The following FARP2 variants were observed in gnomAD, a reference collection of about 807,000 sequenced individuals.
The protein encoded by FARP2 is FERM, ARHGEF and pleckstrin domain-containing protein 2.
Under a neutral mutation model 130.5 loss-of-function variants are expected in FARP2, and 111 were observed. The observed-to-expected ratio is 0.85, with a 90% confidence interval of 0.73 to 1.00. The LOEUF (loss-of-function observed/expected upper bound fraction) is 1.00, where lower values mean the gene tolerates loss of function less well. Among genes scored for constraint, FARP2 ranks in the 50% least tolerant of loss-of-function variants. The pLI, the probability that FARP2 is intolerant of heterozygous loss-of-function variation, is 0.00. For synonymous variants in FARP2, 504 were observed against 516.9 expected (o/e 0.98, Z 0.34); for missense variants, 1,385 against 1,346.3 (o/e 1.03, Z -0.45).
chr2:241,403,840 G>GGCCA lies in FARP2; in HGVS notation c.198_201dup (p.Val68ProfsTer17). On this transcript the variant is annotated frameshift_variant, in exon 3 of 27. Coordinates refer to ENST00000264042, the MANE Select transcript of FARP2 (RefSeq NM_014808.4). LOFTEE classifies it high-confidence loss of function. Reference sequence around the variant, plus strand: ...TCTCTCTGCACAGCCTAAATGCGATGGCCAGGTATTACTGACACAAGTGTG... The same window carrying GGCCA: ...TCTCTCTGCACAGCCTAAATGCGATGGCCAGCCAGGTATTACTGACACAAGTGTG... The GGCCA allele has an allele frequency of 6.2e-7, 1 of 1,611,516 alleles. No individual in the cohort carries two copies.
chr2:241,441,371 TCTCTCCCTCCA>T lies in FARP2; in HGVS notation c.1231_1241del (p.Pro411GlyfsTer9). 1.2e-6 allele frequency: 2 copies of T among 1,614,164 alleles called. No individual in the cohort carries two copies. The highest frequency in any genetic ancestry group is 1.7e-6 in the Non-Finnish European group (2 of 1,179,994). ...TCTTCAGCGAATGCCTTTTACTCGC[TCTCTCCCTCCA>T]CTCTGGTCCCCTCTGGCCTGCCAGA... On this transcript the variant is annotated frameshift_variant, in exon 13 of 27. Transcript: ENST00000264042. LOFTEE classifies it high-confidence loss of function.
rs958212410 is a variant in FARP2, at chr2:241,412,797, G to A, written c.509-510G>A. ...TTCCCAGCACATTTGGGAGGCCAAG[G>A]CAGGAGGATTGCTTAAGTCCAGGAG... is the stretch of plus-strand genomic sequence containing the variant. On this transcript the variant is annotated intron_variant, in intron 6 of 26. Coordinates refer to ENST00000264042, the MANE Select transcript of FARP2 (RefSeq NM_014808.4). Among the ~76,000 whole-genome samples the A allele has an allele frequency of 3.1e-4, 47 of 152,190 alleles. 1 individual carries two copies. Among genetic ancestry groups the A allele is most frequent in the Non-Finnish European group, 5.9e-5 (4 of 68,044 alleles).
intron 18 of FARP2, among the ~76,000 whole-genome samples, chr2:241,469,968 T>G (rs1559801437): frequency 6.6e-6 from 1 of 152,230 alleles, no homozygotes; most frequent in East Asian, 1.9e-4. Flanking sequence ...CTAGGTTTGC[T>G]TCAGACCTCA....
chr2:241,490,620 A>G (rs2064866978), intron 22 of FARP2, among the ~76,000 whole-genome samples: 1 of 152,166 alleles, frequency 6.6e-6, no homozygotes. Context: ...CATGGTCACC[A>G]GCACCACACT....
At chr2:241,434,122 T>C in intron 9 of FARP2, 36 bp from the exon 10 acceptor site, 2 of 1,507,608 alleles carry the variant, frequency 1.3e-6, no homozygotes, top group Non-Finnish European at 1.8e-6. Flanking sequence ...CAATACTTCA[T>C]TCTTGAATTA....
At chr2:241,456,500 C>T (rs931165143) in intron 13 of FARP2, 3 of 451,732 alleles carry the variant, frequency 6.6e-6, no homozygotes, top group Admixed American at 4.1e-5. Context: ...CCCTAGAGTC[C>T]GGGGAGGATC....
chr2:241,431,114 T>G (rs2063079408), intron 8 of FARP2, among the ~76,000 whole-genome samples: 1 of 152,202 alleles, frequency 6.6e-6, no homozygotes, highest in South Asian at 2.1e-4. Context: ...CCTGGTGAAT[T>G]GCTTTTAGAT....
chr2:241,395,069 G>C (rs575037590), intron 2 of FARP2, among the ~76,000 whole-genome samples: 3 of 152,288 alleles, frequency 2.0e-5, no homozygotes, highest in South Asian at 2.1e-4. Flanking sequence ...AACCCATTCA[G>C]GGTAAGAGTT....
chr2:241,482,409 A>G lies in FARP2; in HGVS notation c.2263-1056A>G. Among the ~76,000 whole-genome samples, 1 of 151,990 alleles carries G rather than the reference A, an allele frequency of 6.6e-6. No homozygotes were observed. Among genetic ancestry groups the G allele is most frequent in the Non-Finnish European group, 1.5e-5 (1 of 67,980 alleles). On this transcript the variant is annotated intron_variant, in intron 19 of 26. Transcript: ENST00000264042. The surrounding 1 kb of genome is among the most constrained non-coding windows in gnomAD (Gnocchi z 4.6). The stretch of plus-strand genomic sequence containing the variant: ...CTACCTGTGGCTGGAAGGAACGGCC[A>G]CTCCCAGGGCCAAGCAATTGCCAGC...
At chr2:241,483,656 G>A in intron 20 of FARP2, 123 bp downstream of exon 20, 1 of 1,252,346 alleles carries the variant, frequency 8.0e-7, no homozygotes, top group Admixed American at 2.0e-5. Context: ...TGGAGGCTTT[G>A]GTCCAGGTGG....
chr2:241,494,577 G>A lies in FARP2; in HGVS notation c.*452G>A, dbSNP rs2065052733. On this transcript the variant is annotated 3_prime_UTR_variant, in exon 27 of 27. Transcript: ENST00000264042. This position sits in a 1 kb window ranked among gnomAD's most constrained non-coding sequence, Gnocchi z 4.9. ...TGCCAGGACCCTCTCAGACAAGCGT[G>A]GCACAGCCATGCTGACCTTCCATCT... is the stretch of plus-strand genomic sequence containing the variant. 6.6e-6 allele frequency: 1 copy of A among 152,578 alleles called. No homozygotes were observed. Among genetic ancestry groups the A allele is most frequent in the Non-Finnish European group, 1.5e-5 (1 of 68,298 alleles). 9.5% of individuals were successfully genotyped at this position (152,578 alleles called of 1,614,324 possible).
chr2:241,477,169 C>T (rs1198428867), intron 19 of FARP2, among the ~76,000 whole-genome samples: 1 of 133,990 alleles, frequency 7.5e-6, no homozygotes, highest in Non-Finnish European at 1.5e-5. Flanking sequence ...CTTGCTCTGT[C>T]ACCAGGCTGG....
chr2:241,468,175 C>T lies in FARP2; in HGVS notation c.1929C>T (p.Val643=). The T allele has an allele frequency of 6.2e-7, 1 of 1,614,012 alleles. No homozygotes were observed. The highest frequency in any genetic ancestry group is 2.2e-5 in the East Asian group (1 of 44,886). The part of the protein sequence containing the change: ...FTSYFQRHDE[V]LTELEKATKR... ...GCTACTTCCAAAGACATGACGAGGT[C>T]CTAACAGAACTGGAAAAGGCTACCA... The change falls in exon 18 of 27, where the codon GTC becomes GTT. Residue 643 remains valine, a synonymous_variant. Transcript: ENST00000264042.
intron 21 of FARP2, among the ~76,000 whole-genome samples, chr2:241,487,644 G>GAGGCGGAGGTTGCAC (rs1396808728): frequency 3.9e-4 from 53 of 134,652 alleles, no homozygotes; most frequent in East Asian, 1.4e-3. Context: ...TCCAGCCTGG[G>GAGGCGGAGGTTGCAC]TGACAGAACA....
At chr2:241,493,611 T>TG in intron 26 of FARP2, 167 bp downstream of exon 26, 1 of 597,400 alleles carries the variant, frequency 1.7e-6, no homozygotes, top group Non-Finnish European at 2.9e-6. Context: ...TTTTTTTTTT[T>TG]GGAGATGGCG....
chr2:241,472,028 ACT>A, intron 18 of FARP2, among the ~76,000 whole-genome samples: 1 of 74,920 alleles, frequency 1.3e-5, no homozygotes, highest in South Asian at 3.2e-4. Context: ...TTCTGGGAAC[ACT>A]GTTCTGAGAA....
At chr2:241,402,695 C>A (rs537253011) in intron 2 of FARP2, among the ~76,000 whole-genome samples, 1 of 150,242 alleles carries the variant, frequency 6.7e-6, no homozygotes, top group African/African-American at 2.4e-5. Flanking sequence ...GAAACAGGGT[C>A]TTACTCTGTC....
chr2:241,477,545 T>A (rs1264721694), intron 19 of FARP2, among the ~76,000 whole-genome samples: 2 of 152,242 alleles, frequency 1.3e-5, no homozygotes, highest in Non-Finnish European at 2.9e-5. Flanking sequence ...AGTGCTGCTG[T>A]GGACGTTCAT....
intron 2 of FARP2, among the ~76,000 whole-genome samples, chr2:241,402,494 C>T (rs1221147148): frequency 6.6e-6 from 1 of 151,950 alleles, no homozygotes; most frequent in Non-Finnish European, 1.5e-5. Context: ...TGTTTCTGTT[C>T]AGATGTTTTT....
Sources: gnomAD v4.1 joint callset for allele counts (sites outside exome capture counted in the v4.1 genomes callset) on GRCh38, gnomAD v4.1.1 for gene constraint, Gnocchi (gnomAD v3.1) non-coding constraint, MANE v1.5 for transcripts, NCBI Gene and HGNC (gene_info 2026-07-23, HGNC 2026-07-21) for gene names.